Variants in DSCAM observed in about 807,000 individuals in gnomAD.
DSCAM encodes the protein cell adhesion molecule DSCAM.
Under a neutral mutation model 217.7 loss-of-function variants are expected in DSCAM, and 47 were observed. The observed-to-expected ratio is 0.22, with a 90% CI of 0.17 to 0.28. The LOEUF is 0.28. Among genes scored for constraint, DSCAM ranks in the 10% least tolerant of loss-of-function variants. The probability of loss-of-function intolerance (pLI) is 1.00; values close to 1 mark genes in which losing one functional copy is unlikely to be tolerated. For missense variants in DSCAM, 2,080 were observed against 2,618.3 expected, an observed-to-expected ratio of 0.79 and a Z score of 4.49; for synonymous variants, 1,056 against 1,015.3, an observed-to-expected ratio of 1.04 and a Z score of -0.76.
chr21:40,777,213 G>A (rs1326101303), intron 1 of DSCAM, among the ~76,000 whole-genome samples: 1 of 152,008 alleles, frequency 6.6e-6, no homozygotes, highest in African/African-American at 2.4e-5. Flanking sequence ...TCTTTTATAA[G>A]GGCTCGAATT....
chr21:40,340,281 G>T (rs1434614235), intron 6 of DSCAM, among the ~76,000 whole-genome samples: 1 of 152,154 alleles, frequency 6.6e-6, no homozygotes, highest in East Asian at 1.9e-4. Flanking sequence ...CTTAATCTTA[G>T]AGAAGTCTCC....
At chr21:40,619,058 T>C (rs2146292855) in intron 3 of DSCAM, among the ~76,000 whole-genome samples, 1 of 152,106 alleles carries the variant, frequency 6.6e-6, no homozygotes, top group South Asian at 2.1e-4. Context: ...AAAGCTCAAA[T>C]ATAAAGATAA....
chr21:40,788,316 G>T (rs1352414041), intron 1 of DSCAM, among the ~76,000 whole-genome samples: 1 of 152,092 alleles, frequency 6.6e-6, no homozygotes, highest in South Asian at 2.1e-4. Flanking sequence ...AGGCCATGGG[G>T]GTGTGACCCT....
At chr21:40,631,447 G>C (rs533068813) in intron 3 of DSCAM, among the ~76,000 whole-genome samples, 1 of 152,260 alleles carries the variant, frequency 6.6e-6, no homozygotes, top group Admixed American at 6.5e-5. Context: ...CTGAATTCTG[G>C]GCATGGTTTT....
At position 40,636,760 on chromosome 21, in the gene DSCAM, C is replaced by CTT. The variant is rs3070821; in HGVS notation, c.508+56048_508+56049dup. Among the ~76,000 whole-genome samples the CTT allele has an allele frequency of 7.7e-3, 1,031 of 133,572 alleles. 14 individuals are homozygous for CTT. The highest frequency in any genetic ancestry group is 0.023 in the African/African-American group (830 of 36,212). The allele number at this position is 133,572 out of a possible 152,430, so 87.6% of individuals were successfully genotyped here. ...AGGATTTTGGCCGGGGGTCTCATGA[C>CTT]TTTTTTTTTTTTTTTTTCACAACAT... On this transcript the variant is annotated intron_variant, in intron 3 of 32. Transcript: ENST00000400454.
At chr21:40,792,848 T>C (rs2091657945) in intron 1 of DSCAM, among the ~76,000 whole-genome samples, 1 of 152,224 alleles carries the variant, frequency 6.6e-6, no homozygotes, top group Non-Finnish European at 1.5e-5. Context: ...TGAATGTTAA[T>C]TGAAAGCTGC....
chr21:40,425,320 G>A (rs2075461821), intron 3 of DSCAM, among the ~76,000 whole-genome samples: 1 of 152,040 alleles, frequency 6.6e-6, no homozygotes, highest in African/African-American at 2.4e-5. Flanking sequence ...GAGGTCAGGA[G>A]TTCAAGACCA....
At chr21:40,805,722 T>C (rs34822389) in intron 1 of DSCAM, among the ~76,000 whole-genome samples, 23 of 88,016 alleles carry the variant, frequency 2.6e-4, no homozygotes, top group South Asian at 5.1e-4. Flanking sequence ...CTTTTCTTTT[T>C]TTTTTTAATG....
intron 20 of DSCAM, among the ~76,000 whole-genome samples, chr21:40,121,283 A>G (rs1217576414): frequency 6.6e-6 from 1 of 152,212 alleles, no homozygotes; most frequent in African/African-American, 2.4e-5. Context: ...AAGTTTCTTG[A>G]TCATTTCATA....
intron 1 of DSCAM, among the ~76,000 whole-genome samples, chr21:40,832,569 T>C (rs1601324698): frequency 1.3e-5 from 2 of 152,296 alleles, no homozygotes; most frequent in East Asian, 3.9e-4. Context: ...AATGGTAATA[T>C]ATGGTATCAT....
intron 1 of DSCAM, among the ~76,000 whole-genome samples, chr21:40,807,473 G>A (rs891011433): frequency 5.3e-5 from 8 of 152,212 alleles, no homozygotes; most frequent in Non-Finnish European, 1.0e-4. Context: ...GGATGGGGGT[G>A]GAGGGCGAGG....
intron 3 of DSCAM, among the ~76,000 whole-genome samples, chr21:40,433,122 G>A (rs1465227782): frequency 1.3e-5 from 2 of 152,080 alleles, no homozygotes; most frequent in Admixed American, 6.6e-5. Flanking sequence ...ACTTTGAGAG[G>A]CTGAGGTGGG....
At chr21:40,351,148 G>A (rs2074626494) in intron 5 of DSCAM, among the ~76,000 whole-genome samples, 1 of 152,042 alleles carries the variant, frequency 6.6e-6, no homozygotes, top group African/African-American at 2.4e-5. Context: ...TCTAGTGTAG[G>A]TACAATTAAG....
In DSCAM at chr21:40,312,098, C is replaced by T. The variant is rs749563383; in HGVS notation, c.2045G>A (p.Ser682Asn). The change falls in exon 9 of 33, where the codon AGC becomes AAC. Residue 682 changes from serine to asparagine, a missense_variant. Physicochemically the swap from Ser to Asn is conservative, Grantham distance 46. Around this residue, in one of 5 missense-constraint regions of DSCAM, gnomAD observed 218 missense variants for 364.1 expected, o/e 0.60. Transcript: ENST00000400454. Reference protein sequence around the residue: ...RNEAAAVEHQSQLIVRVPPKF... With the variant: ...RNEAAAVEHQNQLIVRVPPKF... The stretch of plus-strand genomic sequence containing the variant: ...TTGCTCACCTCTGACAATCAACTGG[C>T]TTTGGTGCTCCACAGCGGCGGCCTC... 8 of 1,613,820 alleles carry T rather than the reference C, an allele frequency of 5.0e-6. No homozygotes were observed. In the Admixed American group the frequency reaches 8.3e-5, roughly 17 times the overall value.
At chr21:40,356,447 A>T (rs2074694372) in intron 4 of DSCAM, among the ~76,000 whole-genome samples, 4 of 151,962 alleles carry the variant, frequency 2.6e-5, no homozygotes, top group Admixed American at 2.6e-4. Context: ...AAATATATAC[A>T]ATTTTCATTT....
In DSCAM at chr21:40,203,419, A is replaced by T. The variant is rs559541226; in HGVS notation, c.2357-14181T>A. Among the ~76,000 whole-genome samples the T allele has an allele frequency of 2.8e-4, 42 of 152,328 alleles. No individual in the cohort carries two copies. In the South Asian group the frequency reaches 5.6e-3, roughly 20 times the overall value. On this transcript the variant is annotated intron_variant, in intron 11 of 32. Transcript: ENST00000400454. ...TGGGGTCCCACAACCTGTCTGAATC[A>T]TCCCCCACCTGGGGGCTGCTTTACA...
intron 16 of DSCAM, among the ~76,000 whole-genome samples, chr21:40,163,213 A>G (rs1375069981): frequency 6.6e-6 from 1 of 152,188 alleles, no homozygotes; most frequent in Non-Finnish European, 1.5e-5. Flanking sequence ...GCACTGCTAA[A>G]AGAGACACTT....
intron 1 of DSCAM, among the ~76,000 whole-genome samples, chr21:40,767,345 C>G (rs1444877473): frequency 6.6e-6 from 1 of 152,124 alleles, no homozygotes; most frequent in Non-Finnish European, 1.5e-5. Context: ...AGGGCACAGA[C>G]AGATCCTGGC....
intron 14 of DSCAM, 50 bp downstream of exon 14, chr21:40,187,081 A>G (rs1414633048): frequency 6.2e-7 from 1 of 1,604,330 alleles, no homozygotes; most frequent in Admixed American, 1.7e-5. Flanking sequence ...GGAGAAAAAT[A>G]AAAGAACTTT....
Sources: allele counts gnomAD v4.1 joint callset (sites outside exome capture counted in the v4.1 genomes callset), GRCh38; gene constraint gnomAD v4.1.1; regional missense constraint gnomAD v4.1.1; transcripts MANE v1.5; gene names NCBI Gene and HGNC (gene_info 2026-07-23, HGNC 2026-07-21).